The following RASGEF1C variants were observed in gnomAD, a reference collection of about 807,000 sequenced individuals.
RASGEF1C encodes RasGEF domain family member 1C, also known as ras-GEF domain-containing family member 1C.
In RASGEF1C, 27 loss-of-function variants were observed where a neutral mutation model predicts 58.1. The ratio of observed to expected loss-of-function variants is 0.46; its 90% confidence interval spans 0.34 to 0.64. The LOEUF is 0.64. Among genes scored for constraint, RASGEF1C ranks in the 30% least tolerant of loss-of-function variants. The pLI, the probability that RASGEF1C is intolerant of heterozygous loss-of-function variation, is 0.01. For synonymous variants in RASGEF1C, 243 were observed against 246.3 expected (o/e 0.99, Z 0.13); for missense variants, 502 against 605.1 (o/e 0.83, Z 1.79).
chr5:180,121,739 G>A (rs1437199253), intron 6 of RASGEF1C, among the ~76,000 whole-genome samples: 1 of 149,936 alleles, frequency 6.7e-6, no homozygotes, highest in Non-Finnish European at 1.5e-5. Context: ...AAATGTATTC[G>A]TAACCCCAAA....
chr5:180,135,481 C>T (rs963428949), intron 4 of RASGEF1C, among the ~76,000 whole-genome samples: 1 of 152,226 alleles, frequency 6.6e-6, no homozygotes, highest in East Asian at 1.9e-4. Context: ...CCCCCGCCCA[C>T]GTTTCCCCCT....
At chr5:180,153,932 CA>C (rs1441654876) in intron 1 of RASGEF1C, among the ~76,000 whole-genome samples, 1 of 152,200 alleles carries the variant, frequency 6.6e-6, no homozygotes, top group Non-Finnish European at 1.5e-5. Context: ...ACTCCAAACC[CA>C]AATGTTGGTT....
intron 4 of RASGEF1C, among the ~76,000 whole-genome samples, chr5:180,130,139 G>T (rs1766340555): frequency 2.0e-5 from 3 of 152,204 alleles, no homozygotes; most frequent in African/African-American, 7.2e-5. Flanking sequence ...TTATTCTAGT[G>T]TGGGAGGAAA....
At position 180,168,446 on chromosome 5, in the gene RASGEF1C, CA is replaced by C. The variant is rs1054937637; in HGVS notation, c.-6-30389del. 6.6e-6 allele frequency among the ~76,000 whole-genome samples: 1 copy of C among 151,806 alleles called. No homozygotes were observed. The highest frequency in any genetic ancestry group is 2.1e-4 in the South Asian group (1 of 4,792). On this transcript the variant is annotated intron_variant, in intron 1 of 13. Transcript: ENST00000361132. This position sits in a 1 kb window ranked among gnomAD's most constrained non-coding sequence, Gnocchi z 6.0. ...GAAACTCCATCTCAAAATAAATAAA[CA>C]AAAAAAACAACAACCAAAAAACTCC... is the stretch of plus-strand genomic sequence containing the variant.
intron 1 of RASGEF1C, among the ~76,000 whole-genome samples, chr5:180,208,169 C>T (rs1449899374): frequency 6.6e-6 from 1 of 152,128 alleles, no homozygotes; most frequent in African/African-American, 2.4e-5. Flanking sequence ...ACTCCATGGT[C>T]CCGCCCCTCT....
rs1282224055 is a variant in RASGEF1C, at chr5:180,197,135, C to T, written c.-7+11893G>A. ...GAGCCTCCTTGGTCCCTCTGCAGCA[C>T]GATCCCCTTCCTGGAGAGTCCCATC... On this transcript the variant is annotated intron_variant, in intron 1 of 13. Coordinates refer to ENST00000361132, the MANE Select transcript of RASGEF1C (RefSeq NM_175062.4). The surrounding 1 kb of genome is among the most constrained non-coding windows in gnomAD (Gnocchi z 4.7). Among the ~76,000 whole-genome samples the T allele has an allele frequency of 6.6e-6, 1 of 152,204 alleles. No homozygotes were observed. Among genetic ancestry groups the T allele is most frequent in the Non-Finnish European group, 1.5e-5 (1 of 68,034 alleles).
chr5:180,194,355 C>T (rs539575014), intron 1 of RASGEF1C, among the ~76,000 whole-genome samples: 37 of 152,328 alleles, frequency 2.4e-4, no homozygotes, highest in Admixed American at 1.5e-3. Context: ...AATAGAAGTA[C>T]GCTTTCCCCG....
chr5:180,119,237 G>A lies in RASGEF1C; in HGVS notation c.907+109C>T, dbSNP rs143166705. The A allele has an allele frequency of 4.8e-4, 450 of 946,084 alleles. 3 individuals are homozygous for A. The highest frequency in any genetic ancestry group is 1.2e-3 in the African/African-American group (72 of 62,312). The allele number at this position is 946,084 out of a possible 1,614,324, so 58.6% of individuals were successfully genotyped here. The stretch of plus-strand genomic sequence containing the variant: ...CAGAGAGCCCGGCCCACGCCCTCCC[G>A]CTGCTCAGAGGAGAGCCCTGGCTTG... On this transcript the variant is annotated intron_variant, in intron 8 of 13. Coordinates refer to ENST00000361132, the MANE Select transcript of RASGEF1C (RefSeq NM_175062.4).
intron 12 of RASGEF1C, among the ~76,000 whole-genome samples, chr5:180,109,439 C>T (rs1254723604): frequency 1.3e-5 from 2 of 151,988 alleles, no homozygotes; most frequent in Non-Finnish European, 2.9e-5. Context: ...GCCTGGGTGA[C>T]AGAGCGAGAC....
At position 180,101,614 on chromosome 5, in the gene RASGEF1C, C is replaced by T. The variant is rs963282564; in HGVS notation, c.1377-89G>A. 114 of 1,518,480 alleles carry T rather than the reference C, an allele frequency of 7.5e-5. No homozygotes were observed. The African/African-American group carries it at 1.1e-3, about 14-fold the overall frequency. 94.1% of individuals were successfully genotyped at this position (1,518,480 alleles called of 1,614,324 possible). A position where few individuals can be genotyped will look rare whatever the true frequency, so the allele number is the denominator to read the frequency against. ...CTCCAGCACAGCCACTTTCTCAGTG[C>T]GCTGAGGAGAGCCAGCCTCCTGCCC... On this transcript the variant is annotated intron_variant, in intron 13 of 13. Coordinates refer to ENST00000361132, the MANE Select transcript of RASGEF1C (RefSeq NM_175062.4).
At chr5:180,107,073 T>G (rs1765884296) in intron 12 of RASGEF1C, among the ~76,000 whole-genome samples, 1 of 152,226 alleles carries the variant, frequency 6.6e-6, no homozygotes, top group Non-Finnish European at 1.5e-5. Context: ...CTGAAATTAA[T>G]ATTGCTACTC....
rs1766616635 is a variant in RASGEF1C at position 180,143,552 on chromosome 5, A to C, written c.-6-5494T>G. Among the ~76,000 whole-genome samples, 1 of 152,206 alleles carries C rather than the reference A, an allele frequency of 6.6e-6. No individual in the cohort carries two copies. The highest frequency in any genetic ancestry group is 2.1e-4 in the South Asian group (1 of 4,830). The stretch of plus-strand genomic sequence containing the variant: ...AGAAGGTGGGCCGGCTGTACCAGTG[A>C]AAACCCACAAGCTCTGCTGTGCTCT... On this transcript the variant is annotated intron_variant, in intron 1 of 13. Coordinates refer to ENST00000361132, the MANE Select transcript of RASGEF1C (RefSeq NM_175062.4). The surrounding 1 kb of genome is among the most constrained non-coding windows in gnomAD (Gnocchi z 4.3).
chr5:180,118,252 C>T (rs1766102069), intron 10 of RASGEF1C, among the ~76,000 whole-genome samples: 1 of 152,158 alleles, frequency 6.6e-6, no homozygotes, highest in Non-Finnish European at 1.5e-5. Flanking sequence ...TGTAGTGTGG[C>T]AGGGCAGGTC....
At chr5:180,174,472 ATG>A (rs746917701) in intron 1 of RASGEF1C, among the ~76,000 whole-genome samples, 3,314 of 104,412 alleles carry the variant, frequency 0.032, 77 homozygotes, top group African/African-American at 0.064. Context: ...GTCTGTGTGT[ATG>A]TGTGTCTGTG....
chr5:180,172,245 G>T (rs1767120879), intron 1 of RASGEF1C, among the ~76,000 whole-genome samples: 1 of 152,134 alleles, frequency 6.6e-6, no homozygotes, highest in African/African-American at 2.4e-5. Context: ...TGAGCACTCA[G>T]GGCCCCAGCA....
intron 1 of RASGEF1C, among the ~76,000 whole-genome samples, chr5:180,179,540 C>T (rs1039608602): frequency 5.9e-5 from 9 of 152,124 alleles, no homozygotes; most frequent in Admixed American, 3.9e-4. Context: ...ACCTCAGACC[C>T]AGCAATTACC....
chr5:180,114,691 C>T (rs981955873), intron 10 of RASGEF1C, 150 bp from the exon 11 acceptor site: 29 of 638,492 alleles, frequency 4.5e-5, no homozygotes, highest in East Asian at 9.8e-5. Flanking sequence ...CTGGGCTAGC[C>T]GGGGCCTTGG....
At chr5:180,133,889 G>C (rs921632762) in intron 4 of RASGEF1C, among the ~76,000 whole-genome samples, 1 of 152,222 alleles carries the variant, frequency 6.6e-6, no homozygotes, top group African/African-American at 2.4e-5. Context: ...CTCATTTAGT[G>C]AGTGCTGAAG....
chr5:180,178,004 T>C (rs890814395), intron 1 of RASGEF1C, among the ~76,000 whole-genome samples: 9 of 151,794 alleles, frequency 5.9e-5, no homozygotes, highest in Admixed American at 3.3e-4. Flanking sequence ...TCTCGCTCTG[T>C]TGCCCAGGCT....
Sources: gnomAD v4.1 joint callset for allele counts (sites outside exome capture counted in the v4.1 genomes callset) on GRCh38, gnomAD v4.1.1 for gene constraint, Gnocchi (gnomAD v3.1) non-coding constraint, MANE v1.5 for transcripts, NCBI Gene and HGNC (gene_info 2026-07-23, HGNC 2026-07-21) for gene names.